MTMR7: variants seen among roughly 807,000 people sequenced by gnomAD.
MTMR7 encodes phosphatidylinositol-3-phosphate phosphatase MTMR7.
Under a neutral mutation model 81.2 loss-of-function variants are expected in MTMR7, and 76 were observed. The ratio of observed to expected loss-of-function variants is 0.94; its 90% confidence interval spans 0.78 to 1.13. MTMR7 has a LOEUF of 1.13. Among genes scored for constraint, MTMR7 ranks in the 50% most tolerant of loss-of-function variants. The pLI is 0.00. For synonymous variants in MTMR7, 372 were observed against 289.8 expected, an observed-to-expected ratio of 1.28 and a Z score of -2.88; for missense variants, 1,044 against 820.0, an observed-to-expected ratio of 1.27 and a Z score of -3.34.
chr8:17,397,336 G>C (rs192019752), intron 1 of MTMR7, among the ~76,000 whole-genome samples: 5 of 151,998 alleles, frequency 3.3e-5, no homozygotes, highest in Non-Finnish European at 7.4e-5. Flanking sequence ...CTAGAGGGGA[G>C]CTCAATGCCC....
intron 1 of MTMR7, among the ~76,000 whole-genome samples, chr8:17,380,092 T>C (rs1300111313): frequency 6.6e-6 from 1 of 152,110 alleles, no homozygotes; most frequent in African/African-American, 2.4e-5. Flanking sequence ...CAAATGATTA[T>C]GCCAGAAGGG....
chr8:17,332,477 CAAG>C (rs1201289425), intron 6 of MTMR7, among the ~76,000 whole-genome samples: 1 of 152,070 alleles, frequency 6.6e-6, no homozygotes. Context: ...GAGCAGTGAC[CAAG>C]AAGGAGGGCA....
chr8:17,330,543 G>A (rs1217315180), intron 7 of MTMR7, among the ~76,000 whole-genome samples: 1 of 152,224 alleles, frequency 6.6e-6, no homozygotes, highest in African/African-American at 2.4e-5. Context: ...ATGGCTGGTT[G>A]GCCACATGAA....
chr8:17,316,414 C>T (rs1818074210), intron 7 of MTMR7, among the ~76,000 whole-genome samples: 1 of 151,718 alleles, frequency 6.6e-6, no homozygotes, highest in African/African-American at 2.4e-5. Context: ...TATCCATCCC[C>T]CTACTGTTGA....
At chr8:17,326,756 T>C (rs577587978) in intron 7 of MTMR7, among the ~76,000 whole-genome samples, 6 of 152,296 alleles carry the variant, frequency 3.9e-5, no homozygotes, top group Non-Finnish European at 7.3e-5. Flanking sequence ...TCAAACTTCC[T>C]GATGAGAACG....
At chr8:17,379,713 C>T (rs1182296927) in intron 1 of MTMR7, among the ~76,000 whole-genome samples, 1 of 152,146 alleles carries the variant, frequency 6.6e-6, no homozygotes, top group African/African-American at 2.4e-5. Context: ...GGACCATAAT[C>T]CAACACAAGC....
intron 6 of MTMR7, among the ~76,000 whole-genome samples, chr8:17,335,819 T>C (rs567819937): frequency 1.3e-5 from 2 of 152,330 alleles, no homozygotes; most frequent in South Asian, 2.1e-4. Context: ...TACATTCAGA[T>C]AGAAAATCTC....
At chr8:17,385,610 A>G (rs1174762723) in intron 1 of MTMR7, among the ~76,000 whole-genome samples, 5 of 152,228 alleles carry the variant, frequency 3.3e-5, no homozygotes, top group South Asian at 4.1e-4. Flanking sequence ...AAATTACCCA[A>G]TCGCGGGTAT....
At chr8:17,321,972 C>T (rs527681330) in intron 7 of MTMR7, among the ~76,000 whole-genome samples, 2 of 152,256 alleles carry the variant, frequency 1.3e-5, no homozygotes, top group East Asian at 3.9e-4. Context: ...TCCTATACCA[C>T]TCTTATTTTC....
At chr8:17,313,471 T>C in intron 7 of MTMR7, 70 bp from the exon 8 acceptor site, 1 of 1,016,222 alleles carries the variant, frequency 9.8e-7, no homozygotes, top group Non-Finnish European at 1.5e-6. Flanking sequence ...TCATGTTTTA[T>C]AGGTAGTTTG....
chr8:17,309,800 A>G (rs1387399613), intron 9 of MTMR7, among the ~76,000 whole-genome samples: 1 of 152,156 alleles, frequency 6.6e-6, no homozygotes, highest in Admixed American at 6.5e-5. Context: ...TAAATTACCA[A>G]CCTCTTTACA....
chr8:17,374,906 T>C (rs189117923), intron 1 of MTMR7, among the ~76,000 whole-genome samples: 3 of 152,062 alleles, frequency 2.0e-5, no homozygotes, highest in Non-Finnish European at 2.9e-5. Context: ...CTGGCCAACA[T>C]GGTGAAACCC....
intron 6 of MTMR7, among the ~76,000 whole-genome samples, chr8:17,334,810 A>G (rs542523175): frequency 1.3e-5 from 2 of 152,332 alleles, no homozygotes; most frequent in South Asian, 4.1e-4. Flanking sequence ...AGGAGTTGAA[A>G]TCTAAGGAAA....
chr8:17,372,941 T>G, intron 2 of MTMR7, 177 bp downstream of exon 2: 2 of 635,916 alleles, frequency 3.1e-6, no homozygotes, highest in Non-Finnish European at 5.2e-6. Flanking sequence ...AAATGAATAG[T>G]CGATCAAGTA....
intron 4 of MTMR7, among the ~76,000 whole-genome samples, chr8:17,359,144 C>T (rs1018085300): frequency 3.3e-5 from 5 of 152,062 alleles, no homozygotes; most frequent in African/African-American, 1.2e-4. Context: ...GCAGTCCCCT[C>T]GCCATGGCTT....
chr8:17,341,066 G>A lies in MTMR7; in HGVS notation c.732+297C>T, dbSNP rs960187946. Among the ~76,000 whole-genome samples the A allele has an allele frequency of 1.4e-4, 22 of 152,274 alleles. No individual in the cohort carries two copies. In the East Asian group the frequency reaches 3.7e-3, roughly 25 times the overall value. On this transcript the variant is annotated intron_variant, in intron 6 of 13. Coordinates refer to ENST00000180173, the MANE Select transcript of MTMR7 (RefSeq NM_004686.5). Reference sequence around the variant, plus strand: ...TTAGAAAGAAACCAAGTACTAATACGGTATACTTAGGAGCACAATCTCCAA... The same window carrying A: ...TTAGAAAGAAACCAAGTACTAATACAGTATACTTAGGAGCACAATCTCCAA...
At chr8:17,409,679 T>C (rs993824447) in intron 1 of MTMR7, among the ~76,000 whole-genome samples, 4 of 152,048 alleles carry the variant, frequency 2.6e-5, no homozygotes, top group Non-Finnish European at 4.4e-5. Flanking sequence ...AATTTAACAA[T>C]TGTAATGAGG....
intron 1 of MTMR7, among the ~76,000 whole-genome samples, chr8:17,376,974 C>T (rs940039286): frequency 6.6e-6 from 1 of 151,870 alleles, no homozygotes; most frequent in African/African-American, 2.4e-5. Context: ...ATCACGACTA[C>T]GTAATTCATA....
At chr8:17,318,548 A>T (rs1349591422) in intron 7 of MTMR7, among the ~76,000 whole-genome samples, 1 of 151,922 alleles carries the variant, frequency 6.6e-6, no homozygotes, top group East Asian at 1.9e-4. Flanking sequence ...ATGGGTCTGG[A>T]CTCGCTCTTC....
Sources: gnomAD v4.1 joint callset for allele counts (sites outside exome capture counted in the v4.1 genomes callset) on GRCh38, gnomAD v4.1.1 for gene constraint, MANE v1.5 for transcripts, NCBI Gene and HGNC (gene_info 2026-07-23, HGNC 2026-07-21) for gene names.